Variants in GMDS observed in about 807,000 individuals in gnomAD.
GMDS encodes the protein GDP-mannose 4,6 dehydratase.
Under a neutral mutation model 49.9 loss-of-function variants are expected in GMDS, and 20 were observed. That is an observed-to-expected ratio of 0.40 (90% CI 0.28 to 0.58). The LOEUF (loss-of-function observed/expected upper bound fraction) is 0.58, where lower values mean the gene tolerates loss of function less well. Among genes scored for constraint, GMDS ranks in the 20% least tolerant of loss-of-function variants. The pLI is 0.42. For synonymous variants in GMDS, 177 were observed against 178.6 expected (o/e 0.99, Z 0.07); for missense variants, 362 against 481.4 (o/e 0.75, Z 2.32).
chr6:1,648,165 G>A (rs1195888822), intron 9 of GMDS, among the ~76,000 whole-genome samples: 1 of 152,196 alleles, frequency 6.6e-6, no homozygotes, highest in Non-Finnish European at 1.5e-5. Context: ...CTGGGGCTCT[G>A]TAATTTGGGC....
chr6:1,742,606 A>G lies in GMDS; in HGVS notation c.772-20T>C, dbSNP rs1767316669. The G allele has an allele frequency of 1.4e-6, 2 of 1,381,114 alleles. No individual in the cohort carries two copies. The highest frequency in any genetic ancestry group is 3.4e-5 in the Admixed American group (2 of 58,520). 85.6% of individuals were successfully genotyped at this position (1,381,114 alleles called of 1,614,324 possible). On this transcript the variant is annotated intron_variant, in intron 7 of 10. Coordinates refer to ENST00000380815, the MANE Select transcript of GMDS (RefSeq NM_001500.4). ...CATAGCCTAGAGGGAAAGAGAGGCA[A>G]GTTCACTTTGAAGTCACACTCAGTG... is the stretch of plus-strand genomic sequence containing the variant.
chr6:2,212,707 TAAAAAAA>T (rs35503764), intron 1 of GMDS, among the ~76,000 whole-genome samples: 3 of 113,586 alleles, frequency 2.6e-5, no homozygotes, highest in South Asian at 5.5e-4. Flanking sequence ...GATTAACTTG[TAAAAAAA>T]AAAAAAAAAA....
chr6:1,919,237 C>T lies in GMDS; in HGVS notation c.771+10866G>A, dbSNP rs566637427. Among the ~76,000 whole-genome samples, 12 of 152,304 alleles carry T rather than the reference C, an allele frequency of 7.9e-5. No individual in the cohort carries two copies. The East Asian group carries it at 1.3e-3, about 17-fold the overall frequency. ...CATGAGATAGCTAACAAAGTCCTGA[C>T]TGCTCCTCAGAGGTCTCCCTCACTT... On this transcript the variant is annotated intron_variant, in intron 7 of 10. Transcript: ENST00000380815.
chr6:2,072,558 G>A (rs1355439670), intron 4 of GMDS, among the ~76,000 whole-genome samples: 3 of 152,122 alleles, frequency 2.0e-5, no homozygotes, highest in South Asian at 2.1e-4. Context: ...GTTTTTGGGT[G>A]ACCAATTTCT....
At position 2,181,051 on chromosome 6, in the gene GMDS, G is replaced by A. The variant is rs998815865; in HGVS notation, c.103-56320C>T. The stretch of plus-strand genomic sequence containing the variant: ...ACGTAGTGACTACACCTGGGTGCCT[G>A]TAGTCCCAGCTACTCAGGCTGGCTG... On this transcript the variant is annotated intron_variant, in intron 1 of 10. Transcript: ENST00000380815. 1.3e-5 allele frequency among the ~76,000 whole-genome samples: 2 copies of A among 151,678 alleles called. 1 individual carries two copies. Among genetic ancestry groups the A allele is most frequent in the Admixed American group, 1.3e-4 (2 of 15,246 alleles).
At chr6:1,951,209 A>T (rs1376237809) in intron 6 of GMDS, among the ~76,000 whole-genome samples, 1 of 152,254 alleles carries the variant, frequency 6.6e-6, no homozygotes, top group Non-Finnish European at 1.5e-5. Context: ...TAATTTTTAC[A>T]TGAATTATTT....
intron 7 of GMDS, among the ~76,000 whole-genome samples, chr6:1,863,704 C>T (rs1236808989): frequency 2.0e-5 from 3 of 152,008 alleles, no homozygotes; most frequent in African/African-American, 4.8e-5. Flanking sequence ...GAGATCACAC[C>T]GGAACATCAT....
intron 7 of GMDS, among the ~76,000 whole-genome samples, chr6:1,905,299 CA>C (rs1760703105): frequency 6.6e-6 from 1 of 152,178 alleles, no homozygotes; most frequent in African/African-American, 2.4e-5. Context: ...CATGTGGGGC[CA>C]GCACATAGCT....
In GMDS at chr6:1,822,377, TC is replaced by T. The variant is rs1467307774; in HGVS notation, c.772-79792del. On this transcript the variant is annotated intron_variant, in intron 7 of 10. Transcript: ENST00000380815. ...ATTGGGGTAAGATTTAGGTCACATATCCCTGGTAGTATTGACAGTGCTCTGA... is the reference window on the plus strand; with the variant it reads ...ATTGGGGTAAGATTTAGGTCACATATCCTGGTAGTATTGACAGTGCTCTGA... Among the ~76,000 whole-genome samples the T allele has an allele frequency of 4.6e-5, 7 of 152,272 alleles. No homozygotes were observed. In the East Asian group the frequency reaches 1.4e-3, roughly 29 times the overall value.
chr6:1,963,736 G>A (rs6916130), intron 4 of GMDS, among the ~76,000 whole-genome samples: 27,032 of 152,080 alleles, frequency 0.18, 2,505 homozygotes, highest in African/African-American at 0.22. Context: ...AAGGCCTTGG[G>A]AGAGCGGGTG....
At chr6:1,751,120 G>T (rs1188312644) in intron 7 of GMDS, among the ~76,000 whole-genome samples, 1 of 152,210 alleles carries the variant, frequency 6.6e-6, no homozygotes, top group Admixed American at 6.5e-5. Flanking sequence ...AGAGCACCTG[G>T]GGAAAGGGGT....
At chr6:1,686,871 G>A (rs1764995410) in intron 9 of GMDS, among the ~76,000 whole-genome samples, 2 of 152,160 alleles carry the variant, frequency 1.3e-5, no homozygotes. Flanking sequence ...TATCCTTGGA[G>A]GCAATACAAT....
At chr6:1,998,275 C>T (rs762315829) in intron 4 of GMDS, among the ~76,000 whole-genome samples, 2 of 151,974 alleles carry the variant, frequency 1.3e-5, no homozygotes, top group African/African-American at 2.4e-5. Flanking sequence ...ATAAACAGCC[C>T]ATGAAATACC....
chr6:2,244,826 C>T (rs1376171804), intron 1 of GMDS, among the ~76,000 whole-genome samples: 2 of 152,234 alleles, frequency 1.3e-5, no homozygotes, highest in Admixed American at 6.5e-5. Context: ...TCTTTTCTAT[C>T]TGGAAATCCG....
chr6:1,818,143 A>G (rs1371098828), intron 7 of GMDS, among the ~76,000 whole-genome samples: 1 of 152,226 alleles, frequency 6.6e-6, no homozygotes, highest in East Asian at 1.9e-4. Flanking sequence ...GACGACAGGT[A>G]TAAATATTAC....
At chr6:2,008,214 A>G (rs1278362914) in intron 4 of GMDS, among the ~76,000 whole-genome samples, 2 of 152,232 alleles carry the variant, frequency 1.3e-5, no homozygotes, top group African/African-American at 4.8e-5. Context: ...TCTTCCCAAG[A>G]CAGCAACATT....
At chr6:2,053,405 A>G (rs1195574428) in intron 4 of GMDS, among the ~76,000 whole-genome samples, 1 of 152,140 alleles carries the variant, frequency 6.6e-6, no homozygotes, top group African/African-American at 2.4e-5. Context: ...TAAATCCCAG[A>G]AAAACAACCA....
chr6:1,661,700 C>T (rs1447737309), intron 9 of GMDS, among the ~76,000 whole-genome samples: 4 of 152,208 alleles, frequency 2.6e-5, no homozygotes, highest in Non-Finnish European at 5.9e-5. Flanking sequence ...ACGTTCCAAC[C>T]CAAAAGAGTT....
intron 4 of GMDS, among the ~76,000 whole-genome samples, chr6:1,966,874 A>G (rs968008070): frequency 5.9e-5 from 9 of 152,024 alleles, no homozygotes; most frequent in African/African-American, 2.2e-4. Flanking sequence ...ACCAGTTCCC[A>G]CCACTTAGCC....
Sources: gnomAD v4.1 joint callset for allele counts (sites outside exome capture counted in the v4.1 genomes callset) on GRCh38, gnomAD v4.1.1 for gene constraint, MANE v1.5 for transcripts, NCBI Gene and HGNC (gene_info 2026-07-23, HGNC 2026-07-21) for gene names.